The following CSGALNACT1 variants were observed in gnomAD, a reference collection of about 807,000 sequenced individuals.
CSGALNACT1 encodes the protein chondroitin sulfate N-acetylgalactosaminyltransferase 1.
CSGALNACT1 carries 52 observed loss-of-function variants against 51.0 expected under a neutral mutation model. The ratio of observed to expected loss-of-function variants is 1.02; its 90% CI spans 0.82 to 1.29. CSGALNACT1 has a LOEUF of 1.29. Ranked by LOEUF, CSGALNACT1 falls within the 50% of genes most tolerant of loss-of-function variation. CSGALNACT1 has a pLI of 0.00. For missense variants in CSGALNACT1, 935 were observed against 679.2 expected (o/e 1.38, Z -4.19); for synonymous variants, 341 against 254.4 (o/e 1.34, Z -3.24).
chr8:19,698,115 G>A (rs754827174), intron 1 of CSGALNACT1, among the ~76,000 whole-genome samples: 1 of 152,176 alleles, frequency 6.6e-6, no homozygotes. Flanking sequence ...TGGGGAAGCA[G>A]GGAGAAGTCA....
chr8:19,468,481 G>A (rs930540156), intron 4 of CSGALNACT1, among the ~76,000 whole-genome samples: 1 of 152,178 alleles, frequency 6.6e-6, no homozygotes, highest in Non-Finnish European at 1.5e-5. Flanking sequence ...GTTTTAGCAT[G>A]GGAGAGGTGA....
intron 4 of CSGALNACT1, among the ~76,000 whole-genome samples, chr8:19,461,850 G>T (rs1468014415): frequency 7.3e-6 from 1 of 136,420 alleles, no homozygotes; most frequent in African/African-American, 2.6e-5. Context: ...CTGCACAGCA[G>T]CCACATTCAC....
intron 3 of CSGALNACT1, among the ~76,000 whole-genome samples, chr8:19,578,931 C>T (rs562935198): frequency 6.6e-6 from 1 of 152,254 alleles, no homozygotes; most frequent in South Asian, 2.1e-4. Context: ...GTTCTTGCTA[C>T]GTTGACCACG....
chr8:19,437,062 A>G (rs976647204), intron 6 of CSGALNACT1, among the ~76,000 whole-genome samples: 3 of 152,160 alleles, frequency 2.0e-5, no homozygotes, highest in Non-Finnish European at 4.4e-5. Flanking sequence ...CCACTTATTG[A>G]GCAGGTTATA....
intron 4 of CSGALNACT1, among the ~76,000 whole-genome samples, chr8:19,461,081 C>G (rs780109790): frequency 1.3e-5 from 2 of 152,148 alleles, no homozygotes; most frequent in Non-Finnish European, 1.5e-5. Context: ...TTCACCAATG[C>G]GTTGAGTAAA....
At chr8:19,556,896 T>C (rs1024775947) in intron 3 of CSGALNACT1, among the ~76,000 whole-genome samples, 3 of 146,818 alleles carry the variant, frequency 2.0e-5, no homozygotes, top group Non-Finnish European at 4.5e-5. Flanking sequence ...GTAAATCAGA[T>C]ACAAAGTTAG....
At chr8:19,543,591 T>A (rs997386691) in intron 3 of CSGALNACT1, among the ~76,000 whole-genome samples, 1 of 152,064 alleles carries the variant, frequency 6.6e-6, no homozygotes, top group Non-Finnish European at 1.5e-5. Context: ...AAACTCACAG[T>A]CTCCAGTGGG....
intron 8 of CSGALNACT1, 95 bp from the exon 8 acceptor site, chr8:19,408,789 C>G (rs2054915504): frequency 9.4e-7 from 1 of 1,069,438 alleles, no homozygotes; most frequent in African/African-American, 1.6e-5. Flanking sequence ...AGTGTGGAGC[C>G]CATCCCATCA....
intron 1 of CSGALNACT1, among the ~76,000 whole-genome samples, chr8:19,608,837 C>A (rs182522183): frequency 6.1e-4 from 93 of 152,246 alleles, no homozygotes; most frequent in African/African-American, 2.2e-3. Context: ...CTAGAACAGG[C>A]ATTTTGAATG....
At chr8:19,482,146 G>C (rs1404705972) in intron 4 of CSGALNACT1, among the ~76,000 whole-genome samples, 1 of 152,042 alleles carries the variant, frequency 6.6e-6, no homozygotes, top group Non-Finnish European at 1.5e-5. Flanking sequence ...CTCTCTTTCA[G>C]CGCTGAGCAC....
exon 4 of CSGALNACT1, chr8:19,505,562 C>T: frequency 1.2e-6 from 2 of 1,613,954 alleles, no homozygotes; most frequent in South Asian, 2.2e-5. Flanking sequence ...TCCTGAGCTG[C>T]TCACTCCTCT....
rs114701675 is a variant in CSGALNACT1, at chr8:19,425,977, C to T, written c.954-5459G>A. The stretch of plus-strand genomic sequence containing the variant: ...CATTTGACCCAGCCCTGCCTCTGTC[C>T]CTCTGTGTCCTGGTGCCTTCAAGTG... On this transcript the variant is annotated intron_variant, in intron 6 of 9. Transcript: ENST00000454498. Among the ~76,000 whole-genome samples the T allele has an allele frequency of 9.8e-3, 1,493 of 152,296 alleles. 22 individuals carry two copies. The highest frequency in any genetic ancestry group is 0.034 in the African/African-American group (1,415 of 41,558).
intron 4 of CSGALNACT1, among the ~76,000 whole-genome samples, chr8:19,486,583 G>A (rs1423063764): frequency 6.6e-6 from 1 of 152,032 alleles, no homozygotes; most frequent in Non-Finnish European, 1.5e-5. Context: ...CTTCCATCTG[G>A]AAACTCTCTT....
At chr8:19,442,993 A>G (rs2061564052) in intron 5 of CSGALNACT1, among the ~76,000 whole-genome samples, 1 of 151,976 alleles carries the variant, frequency 6.6e-6, no homozygotes, top group South Asian at 2.1e-4. Flanking sequence ...CCATGTCCCC[A>G]TTTCTCCTCT....
chr8:19,426,039 A>C (rs2058730041), intron 6 of CSGALNACT1, among the ~76,000 whole-genome samples: 2 of 152,190 alleles, frequency 1.3e-5, no homozygotes, highest in African/African-American at 2.4e-5. Flanking sequence ...GGGCTCTAGC[A>C]GACTCCACAG....
intron 4 of CSGALNACT1, among the ~76,000 whole-genome samples, chr8:19,470,506 G>A (rs761217757): frequency 2.0e-5 from 3 of 152,130 alleles, no homozygotes; most frequent in Admixed American, 6.5e-5. Context: ...GAAACAAGAC[G>A]GTGACTCACT....
chr8:19,510,024 A>G (rs1267513206), intron 3 of CSGALNACT1, among the ~76,000 whole-genome samples: 2 of 152,214 alleles, frequency 1.3e-5, no homozygotes, highest in Non-Finnish European at 2.9e-5. Context: ...GACCCCTGGA[A>G]GAAGGGAGAT....
At chr8:19,441,710 T>C (rs539555341) in intron 5 of CSGALNACT1, among the ~76,000 whole-genome samples, 67 of 152,068 alleles carry the variant, frequency 4.4e-4, no homozygotes, top group African/African-American at 1.6e-3. Context: ...AAAGCCAAAA[T>C]TGACAAATGG....
chr8:19,590,976 G>C (rs2047689521), intron 3 of CSGALNACT1, among the ~76,000 whole-genome samples: 1 of 152,006 alleles, frequency 6.6e-6, no homozygotes, highest in South Asian at 2.1e-4. Context: ...TTAGCCATTA[G>C]GTATTTCCTT....
Sources: gnomAD v4.1 joint callset for allele counts (sites outside exome capture counted in the v4.1 genomes callset) on GRCh38, gnomAD v4.1.1 for gene constraint, MANE v1.5 for transcripts, NCBI Gene and HGNC (gene_info 2026-07-23, HGNC 2026-07-21) for gene names.